TNPO2: variants seen among roughly 807,000 people sequenced by gnomAD.
The protein encoded by TNPO2 is transportin-2.
Under a neutral mutation model 111.1 loss-of-function variants are expected in TNPO2, and 16 were observed. The observed-to-expected ratio is 0.14, with a 90% CI of 0.10 to 0.22. TNPO2 has a LOEUF of 0.22. TNPO2 is among the 10% of genes least tolerant of loss of function. The pLI, the probability that TNPO2 is intolerant of heterozygous loss-of-function variation, is 1.00. For missense variants in TNPO2, 530 were observed against 1,173.7 expected, an observed-to-expected ratio of 0.45 and a Z score of 8.01; for synonymous variants, 481 against 475.8, an observed-to-expected ratio of 1.01 and a Z score of -0.14.
chr19:12,704,506 G>A (rs1368330861), intron 18 of TNPO2, among the ~76,000 whole-genome samples: 1 of 152,154 alleles, frequency 6.6e-6, no homozygotes, highest in African/African-American at 2.4e-5. Flanking sequence ...TTGTTATACT[G>A]TATTGTTTAG....
Position 12,721,480 on chromosome 19 carries a change from C to A in TNPO2, c.-13-490G>T. 1 of 440,100 alleles carries A rather than the reference C, an allele frequency of 2.3e-6. No individual in the cohort carries two copies. The highest frequency in any genetic ancestry group is 4.3e-6 in the Non-Finnish European group (1 of 232,896). The allele number at this position is 440,100 out of a possible 1,614,324, so 27.3% of individuals were successfully genotyped here. A position where few individuals can be genotyped will look rare whatever the true frequency, so the allele number is the denominator to read the frequency against. On this transcript the variant is annotated intron_variant, in intron 2 of 25. Coordinates refer to ENST00000425528, the MANE Select transcript of TNPO2 (RefSeq NM_001382241.1). The surrounding 1 kb of genome is among the most constrained non-coding windows in gnomAD (Gnocchi z 4.9). ...CCCGACACTCTGCCCTTAACTTCTG[C>A]CAGATCCCAGAGGCCTCCTGCCCTA...
chr19:12,717,444 G>T (rs1278573700), intron 5 of TNPO2, among the ~76,000 whole-genome samples: 2 of 151,282 alleles, frequency 1.3e-5, no homozygotes, highest in Non-Finnish European at 2.9e-5. Flanking sequence ...GCAAATTTTT[G>T]TATTTTTAGT....
intron 13 of TNPO2, among the ~76,000 whole-genome samples, chr19:12,707,398 G>A (rs1175490220): frequency 6.6e-6 from 1 of 151,960 alleles, no homozygotes; most frequent in Non-Finnish European, 1.5e-5. Context: ...ATAGTGAGTG[G>A]GGTTTTATGG....
chr19:12,703,546 G>A lies in TNPO2; in HGVS notation c.2111-20C>T. The A allele has an allele frequency of 1.2e-6, 2 of 1,612,886 alleles. No individual in the cohort carries two copies. Among genetic ancestry groups the A allele is most frequent in the Non-Finnish European group, 1.7e-6 (2 of 1,178,950 alleles). ...ACTCGGCTGGTGGGGAGAAACAGGG[G>A]TGCTGAGAAGGAGGGCCAGCCAGGG... is the stretch of plus-strand genomic sequence containing the variant. On this transcript the variant is annotated intron_variant, in intron 19 of 25. Transcript: ENST00000425528.
At chr19:12,703,840 T>C in intron 18 of TNPO2, 39 bp from the exon 19 acceptor site, 2 of 1,529,336 alleles carry the variant, frequency 1.3e-6, no homozygotes, top group Non-Finnish European at 1.8e-6. Context: ...TAGGCTCCCC[T>C]CCTTCTAACC....
intron 13 of TNPO2, among the ~76,000 whole-genome samples, chr19:12,709,429 C>A (rs1056246023): frequency 5.3e-5 from 8 of 150,614 alleles, no homozygotes; most frequent in African/African-American, 2.0e-4. Context: ...GTGATATATA[C>A]CCTATTAACA....
In TNPO2 at chr19:12,702,513, C is replaced by A. The variant is rs1216625249; in HGVS notation, c.2305+310G>T. 3.8e-6 allele frequency: 2 copies of A among 527,242 alleles called. No individual in the cohort carries two copies. Among genetic ancestry groups the A allele is most frequent in the African/African-American group, 1.9e-5 (1 of 51,812 alleles). The allele number at this position is 527,242 out of a possible 1,614,324, so 32.7% of individuals were successfully genotyped here. A position where few individuals can be genotyped will look rare whatever the true frequency, so the allele number is the denominator to read the frequency against. ...TCCCGAGTAGCTGGGATTGCAGGCA[C>A]GTGCCATTACCCCCGGCTAATTTTT... On this transcript the variant is annotated intron_variant, in intron 21 of 25. Coordinates refer to ENST00000425528, the MANE Select transcript of TNPO2 (RefSeq NM_001382241.1). The surrounding 1 kb of genome is among the most constrained non-coding windows in gnomAD (Gnocchi z 5.5).
In TNPO2 at chr19:12,719,522, G is replaced by A. The variant is rs180987716; in HGVS notation, c.100-186C>T. Among the ~76,000 whole-genome samples, 8 of 152,226 alleles carry A rather than the reference G, an allele frequency of 5.3e-5. No individual in the cohort carries two copies. In the East Asian group the frequency reaches 7.7e-4, roughly 15 times the overall value. ...GTCAAATTCATATAAGGGGCCGGGC[G>A]CGGTGGCTCACGCCTGTAATCCCAG... On this transcript the variant is annotated intron_variant, in intron 3 of 25. Coordinates refer to ENST00000425528, the MANE Select transcript of TNPO2 (RefSeq NM_001382241.1). The surrounding 1 kb of genome is among the most constrained non-coding windows in gnomAD (Gnocchi z 5.0).
chr19:12,718,422 C>G (rs1256907935), intron 5 of TNPO2, among the ~76,000 whole-genome samples: 1 of 152,170 alleles, frequency 6.6e-6, no homozygotes, highest in Non-Finnish European at 1.5e-5. Flanking sequence ...ACCTCAGCCT[C>G]CCAAAATGCT....
chr19:12,722,825 C>T (rs533099147), intron 2 of TNPO2, among the ~76,000 whole-genome samples: 17 of 152,296 alleles, frequency 1.1e-4, no homozygotes, highest in South Asian at 2.1e-4. Flanking sequence ...CTTTCACTGA[C>T]CTGACCGCAA....
chr19:12,705,483 G>C lies in TNPO2; in HGVS notation c.1863+9C>G. The C allele has an allele frequency of 6.3e-7, 1 of 1,588,744 alleles. No individual in the cohort carries two copies. The highest frequency in any genetic ancestry group is 2.3e-5 in the East Asian group (1 of 43,644). ...CAGAAGCACAGGTGACGGGCCTAGG[G>C]TTGCTCACCATGGCCTGAGCCAGTG... On this transcript the variant is annotated intron_variant, in intron 17 of 25. Transcript: ENST00000425528. This position sits in a 1 kb window ranked among gnomAD's most constrained non-coding sequence, Gnocchi z 7.2.
In TNPO2 at chr19:12,701,875, G is replaced by C. The variant is rs1302312722; in HGVS notation, c.2412-24C>G. On this transcript the variant is annotated intron_variant, in intron 22 of 25. Transcript: ENST00000425528. This position sits in a 1 kb window ranked among gnomAD's most constrained non-coding sequence, Gnocchi z 5.0. ...ACCTGTGGGAAGGTGAGCAGCTGGA[G>C]GTCAGAGGGCAGGCTGGGCATGCAT... 1.9e-6 allele frequency: 3 copies of C among 1,595,186 alleles called. No homozygotes were observed. Among genetic ancestry groups the C allele is most frequent in the Non-Finnish European group, 2.6e-6 (3 of 1,165,042 alleles).
chr19:12,720,730 T>G (rs1229448024), intron 3 of TNPO2, 149 bp downstream of exon 3: 4 of 979,976 alleles, frequency 4.1e-6, no homozygotes, highest in Non-Finnish European at 5.7e-6. Context: ...GACCCAGGAA[T>G]TGTAATCCTT....
rs2025991183 is a variant in TNPO2 at position 12,710,778 on chromosome 19, G to A, written c.1118-5C>T. ...GTGCAGCCGCTGAGCACTTCCCTGG[G>A]GAAGGGGGAACAATGGGGAGGCTCA... is the stretch of plus-strand genomic sequence containing the variant. On this transcript the variant is annotated splice_polypyrimidine_tract_variant and splice_region_variant and intron_variant, in intron 12 of 25. Transcript: ENST00000425528. 6.2e-7 allele frequency: 1 copy of A among 1,605,030 alleles called. No individual in the cohort carries two copies. The highest frequency in any genetic ancestry group is 8.5e-7 in the Non-Finnish European group (1 of 1,175,606).
At chr19:12,712,394 G>A (rs1183667817) in intron 10 of TNPO2, among the ~76,000 whole-genome samples, 2 of 152,202 alleles carry the variant, frequency 1.3e-5, no homozygotes, top group African/African-American at 4.8e-5. Flanking sequence ...CTCTTGTGGA[G>A]GGCCTGACAT....
At chr19:12,718,863 A>C (rs752461842) in intron 5 of TNPO2, among the ~76,000 whole-genome samples, 166 bp downstream of exon 5, 1 of 152,122 alleles carries the variant, frequency 6.6e-6, no homozygotes, top group South Asian at 2.1e-4. Context: ...TTACCCAGAC[A>C]GGTCCCTTAA....
intron 5 of TNPO2, among the ~76,000 whole-genome samples, chr19:12,718,075 G>A (rs2145602828): frequency 6.6e-6 from 1 of 151,682 alleles, no homozygotes; most frequent in East Asian, 1.9e-4. Context: ...CGCAATCTCG[G>A]CTCACTGCAA....
rs1166677359 is a variant in TNPO2 at position 12,702,140 on chromosome 19, G to A, written c.2343C>T (p.Thr781=). ...GGCACACGTAGCCCAAGCGGCCGAT[G>A]GTGATGGCTGGAATGGCAGAGGGAC... ...LTSPSAIPAI[T]IGRLGYVCPQ... The change falls in exon 22 of 26, where the codon ACC becomes ACT. Residue 781 remains threonine (T), a synonymous_variant. Transcript: ENST00000425528. This position sits in a 1 kb window ranked among gnomAD's most constrained non-coding sequence, Gnocchi z 5.5. 1 of 1,613,514 alleles carries A rather than the reference G, an allele frequency of 6.2e-7. No individual in the cohort carries two copies. The highest frequency in any genetic ancestry group is 8.5e-7 in the Non-Finnish European group (1 of 1,179,814).
intron 12 of TNPO2, 66 bp from the exon 13 acceptor site, chr19:12,710,839 A>C: frequency 7.0e-7 from 1 of 1,424,624 alleles, no homozygotes; most frequent in Admixed American, 2.5e-5. Flanking sequence ...ACCCTCCTTG[A>C]CTGCACTCCC....
Sources: gnomAD v4.1 joint callset for allele counts (sites outside exome capture counted in the v4.1 genomes callset) on GRCh38, gnomAD v4.1.1 for gene constraint, Gnocchi (gnomAD v3.1) non-coding constraint, MANE v1.5 for transcripts, NCBI Gene and HGNC (gene_info 2026-07-23, HGNC 2026-07-21) for gene names.